The following TPM4 variants were observed in gnomAD, a reference collection of about 807,000 sequenced individuals.
The protein encoded by TPM4 is tropomyosin alpha-4 chain.
A neutral mutation model predicts 35.8 loss-of-function variants in TPM4; 17 were observed. That is an observed-to-expected ratio of 0.47 (90% CI 0.32 to 0.71). TPM4 has a LOEUF of 0.71. Among genes scored for constraint, TPM4 ranks in the 30% least tolerant of loss-of-function variants. TPM4 has a pLI of 0.03. For synonymous variants in TPM4, 120 were observed against 122.9 expected (o/e 0.98, Z 0.15); for missense variants, 240 against 320.9 (o/e 0.75, Z 1.93).
upstream of TPM4, chr19:16,075,415 G>A (rs992623015): frequency 6.6e-6 from 1 of 152,158 alleles, no homozygotes; most frequent in Non-Finnish European, 1.5e-5. Flanking sequence ...AGCCTTCAAA[G>A]AAAGTGATCC....
chr19:16,089,150 C>T (rs1169468983), intron 5 of TPM4, 30 bp downstream of exon 5: 1 of 1,612,096 alleles, frequency 6.2e-7, no homozygotes, highest in Non-Finnish European at 8.5e-7. Context: ...TGGAGGGTGG[C>T]TTGCTGGACT....
At chr19:16,083,776 T>G (rs1032252900) in intron 2 of TPM4, among the ~76,000 whole-genome samples, 2 of 150,234 alleles carry the variant, frequency 1.3e-5, no homozygotes, top group African/African-American at 4.9e-5. Flanking sequence ...TTTTTTTTTT[T>G]GAGACAGGGT....
rs2090342549 is a variant in TPM4 at position 16,070,127 on chromosome 19, A to G, written c.114+2389A>G. 6.6e-6 allele frequency among the ~76,000 whole-genome samples: 1 copy of G among 152,108 alleles called. No individual in the cohort carries two copies. The highest frequency in any genetic ancestry group is 1.5e-5 in the Non-Finnish European group (1 of 67,990). The stretch of plus-strand genomic sequence containing the variant: ...TTGTGTATGTGGGGGTGTCCCTGCT[A>G]AAAGCCTGGAGGCCGGGGCAGGTGG... On this transcript the variant is annotated intron_variant, in intron 2 of 2. Coordinates refer to the TPM4 transcript ENST00000589897. This position sits in a 1 kb window ranked among gnomAD's most constrained non-coding sequence, Gnocchi z 7.4.
At chr19:16,097,977 T>TTATATATGTGTGCC (rs2090719723) in intron 7 of TPM4, among the ~76,000 whole-genome samples, 1 of 152,186 alleles carries the variant, frequency 6.6e-6, no homozygotes, top group Non-Finnish European at 1.5e-5. Context: ...CATTGCCATA[T>TTATATATGTGTGCC]ATATGCCCTT....
chr19:16,068,647 G>C (rs1465871035), intron 2 of TPM4, among the ~76,000 whole-genome samples: 3 of 152,188 alleles, frequency 2.0e-5, no homozygotes, highest in Non-Finnish European at 4.4e-5. Context: ...ATGTCTGTGT[G>C]TGTACACATA....
At chr19:16,072,071 C>T (rs1227537350), upstream of TPM4, among the ~76,000 whole-genome samples, 4 of 152,232 alleles carry the variant, frequency 2.6e-5, no homozygotes, top group East Asian at 5.8e-4. Flanking sequence ...CCGCCCGCCT[C>T]GGCCTCCCGT....
In TPM4 at chr19:16,087,931, G is replaced by T. The variant is rs1411959614; in HGVS notation, c.385-96G>T. 8 of 1,296,264 alleles carry T rather than the reference G, an allele frequency of 6.2e-6. No individual in the cohort carries two copies. In the East Asian group the frequency reaches 2.0e-4, roughly 32 times the overall value. The allele number at this position is 1,296,264 out of a possible 1,614,324, so 80.3% of individuals were successfully genotyped here. Reference sequence around the variant, plus strand: ...AAACCCATGTTGCAGCTGGTCTAGGGGTCTGGGTGGGGCATCATTGGGGGC... The same window carrying T: ...AAACCCATGTTGCAGCTGGTCTAGGTGTCTGGGTGGGGCATCATTGGGGGC... On this transcript the variant is annotated intron_variant, in intron 3 of 7. Coordinates refer to ENST00000643579, the MANE Select transcript of TPM4 (RefSeq NM_003290.3).
chr19:16,091,941 G>A lies in TPM4; in HGVS notation c.532-1595G>A, dbSNP rs576892768. ...TTATTATTGGGAGGCCGAGGCAGGC[G>A]GATCACCTGAGGTCAGGAGTTCGAG... On this transcript the variant is annotated intron_variant, in intron 5 of 7. Transcript: ENST00000643579. Among the ~76,000 whole-genome samples, 6 of 152,072 alleles carry A rather than the reference G, an allele frequency of 3.9e-5. No individual in the cohort carries two copies. In the South Asian group the frequency reaches 8.3e-4, roughly 21 times the overall value.
At chr19:16,082,146 C>T (rs1415279119) in intron 2 of TPM4, 100 bp downstream of exon 2, 3 of 1,444,492 alleles carry the variant, frequency 2.1e-6, no homozygotes, top group Non-Finnish European at 2.8e-6. Flanking sequence ...AACAAGGTCA[C>T]AAGGACATGC....
At chr19:16,087,666 A>G (rs2090573786) in intron 3 of TPM4, among the ~76,000 whole-genome samples, 1 of 152,162 alleles carries the variant, frequency 6.6e-6, no homozygotes, top group East Asian at 1.9e-4. Context: ...GTGGATCAGG[A>G]GGTCAGGAAT....
chr19:16,069,185 G>C (rs919640802), intron 2 of TPM4, among the ~76,000 whole-genome samples: 7 of 152,168 alleles, frequency 4.6e-5, no homozygotes, highest in Admixed American at 1.3e-4. Flanking sequence ...TGTTTCTGTT[G>C]TGTGTATTGG....
chr19:16,079,811 T>C (rs2090460341), intron 1 of TPM4: 1 of 176,730 alleles, frequency 5.7e-6, no homozygotes, highest in Admixed American at 6.3e-5. Context: ...GCGATTCTCC[T>C]GCCTCAGCCT....
chr19:16,086,009 C>T (rs964390337), intron 2 of TPM4, among the ~76,000 whole-genome samples: 1 of 144,240 alleles, frequency 6.9e-6, no homozygotes, highest in African/African-American at 2.6e-5. Context: ...ATGGAGGCTG[C>T]AGTGAGCTGA....
chr19:16,083,518 T>C (rs187231062), intron 2 of TPM4, among the ~76,000 whole-genome samples: 3 of 152,206 alleles, frequency 2.0e-5, no homozygotes, highest in Admixed American at 1.3e-4. Context: ...TAGGGTGCCT[T>C]CTCCTCGGTA....
intron 7 of TPM4, among the ~76,000 whole-genome samples, chr19:16,097,426 C>CACCA (rs900678996): frequency 2.9e-4 from 44 of 152,136 alleles, no homozygotes; most frequent in African/African-American, 1.0e-3. Context: ...AGGCATGCGC[C>CACCA]ACCATGCCTG....
chr19:16,100,065 T>C (rs2090747226), intron 7 of TPM4: 1 of 152,196 alleles, frequency 6.6e-6, no homozygotes, highest in Non-Finnish European at 1.5e-5. Context: ...GTCACACATA[T>C]CTAGGACTGA....
intron 7 of TPM4, chr19:16,095,622 GAAAAGCTTATTACA>G: frequency 3.0e-6 from 3 of 1,006,342 alleles, no homozygotes; most frequent in Non-Finnish European, 2.4e-6. Flanking sequence ...ACTCACAAAT[GAAAAGCTTATTACA>G]AAAAGAAAAT....
intron 2 of TPM4, among the ~76,000 whole-genome samples, 178 bp downstream of exon 2, chr19:16,082,224 C>T (rs2090492395): frequency 6.6e-6 from 1 of 152,142 alleles, no homozygotes; most frequent in Non-Finnish European, 1.5e-5. Context: ...GATGTTTATC[C>T]GTGGCCAGGC....
rs538882242 is a variant in TPM4 at position 16,095,274 on chromosome 19, C to T, written c.664+1521C>T. ...ACCTCCGCCCTCTAGATGAGTTATA[C>T]GCTCAGAAGCTCAAGTACAAAGCTA... is the stretch of plus-strand genomic sequence containing the variant. On this transcript the variant is annotated intron_variant, in intron 7 of 7. Coordinates refer to ENST00000643579, the MANE Select transcript of TPM4 (RefSeq NM_003290.3). 1.8e-5 allele frequency: 18 copies of T among 1,026,670 alleles called. 1 individual carries two copies. In the South Asian group the frequency reaches 4.4e-4, roughly 25 times the overall value. 63.6% of individuals were successfully genotyped at this position (1,026,670 alleles called of 1,614,324 possible). A position where few individuals can be genotyped will look rare whatever the true frequency, so the allele number is the denominator to read the frequency against.
Sources: allele counts gnomAD v4.1 joint callset (sites outside exome capture counted in the v4.1 genomes callset), GRCh38; gene constraint gnomAD v4.1.1; non-coding constraint Gnocchi (gnomAD v3.1); transcripts MANE v1.5; gene names NCBI Gene and HGNC (gene_info 2026-07-23, HGNC 2026-07-21).